Variants in SYNE1 observed in about 807,000 individuals in gnomAD.
The protein encoded by SYNE1 is spectrin repeat containing nuclear envelope protein 1.
In SYNE1, 616 loss-of-function variants were observed where a neutral mutation model predicts 1,111.0. The observed-to-expected ratio is 0.55, with a 90% CI of 0.52 to 0.59. The LOEUF is 0.59. Among genes scored for constraint, SYNE1 ranks in the 20% least tolerant of loss-of-function variants. The pLI is 0.00. For synonymous variants in SYNE1, 3,855 were observed against 3,825.8 expected, an observed-to-expected ratio of 1.01 and a Z score of -0.28; for missense variants, 10,006 against 10,417.0, an observed-to-expected ratio of 0.96 and a Z score of 1.72.
Position 152,401,354 on chromosome 6 carries a change from C to G in SYNE1, c.6826-13G>C. 1 of 1,611,284 alleles carries G rather than the reference C, an allele frequency of 6.2e-7. No homozygotes were observed. The highest frequency in any genetic ancestry group is 8.5e-7 in the Non-Finnish European group (1 of 1,178,794). ...CTGCTTCTATAAACTAAATATCAAG[C>G]AAGATTTCATCAATATCTCTGAAGA... On this transcript the variant is annotated splice_polypyrimidine_tract_variant and intron_variant, in intron 46 of 145. Coordinates refer to ENST00000367255, the MANE Select transcript of SYNE1 (RefSeq NM_182961.4).
At chr6:152,559,886 A>T (rs75465430) in intron 3 of SYNE1, among the ~76,000 whole-genome samples, 1 of 152,220 alleles carries the variant, frequency 6.6e-6, no homozygotes, top group Non-Finnish European at 1.5e-5. Flanking sequence ...TTTTAGCTAG[A>T]CTAAAGAAAA....
intron 6 of SYNE1, among the ~76,000 whole-genome samples, chr6:152,514,724 G>A (rs2099102984): frequency 6.6e-6 from 1 of 151,518 alleles, no homozygotes; most frequent in African/African-American, 2.4e-5. Context: ...CAAAGAAAAT[G>A]TCATGCAAGG....
rs146585458 is a variant in SYNE1 at position 152,345,662 on chromosome 6, T to A, written c.12078+1397A>T. 5.5e-3 allele frequency among the ~76,000 whole-genome samples: 831 copies of A among 152,236 alleles called. 13 individuals carry two copies. The highest frequency in any genetic ancestry group is 0.019 in the African/African-American group (771 of 41,530). On this transcript the variant is annotated intron_variant, in intron 73 of 145. Coordinates refer to ENST00000367255, the MANE Select transcript of SYNE1 (RefSeq NM_182961.4). ...GTGAACATGGACCACTCTAACCACG[T>A]CACTGGTATATCATCAGTTCTTACT...
chr6:152,127,931 A>G (rs1034066355), intron 145 of SYNE1: 1 of 152,160 alleles, frequency 6.6e-6, no homozygotes, highest in African/African-American at 2.4e-5. Flanking sequence ...GTCATTTGCC[A>G]CTTCTCATTC....
At chr6:152,525,988 T>A in intron 5 of SYNE1, 92 bp downstream of exon 5, 1 of 1,158,702 alleles carries the variant, frequency 8.6e-7, no homozygotes, top group Non-Finnish European at 1.3e-6. Context: ...TTCTTTTACC[T>A]GGGCAGCACA....
chr6:152,214,971 G>T lies in SYNE1; in HGVS notation c.22281C>A (p.Ile7427=), dbSNP rs139362680. Residue 7427 remains isoleucine (I), a synonymous_variant, in exon 122 of 146, where the codon ATC becomes ATA. Transcript: ENST00000367255. ...GGCGGTTCAGATTCTGCATTCTTTT[G>T]ATTTCCTTATCATTCAAGGGTAACC... The part of the protein sequence containing the change: ...GYRLPLNDKE[I]KRMQNLNRHW... 9.4e-4 allele frequency: 1,513 copies of T among 1,614,094 alleles called. 17 individuals are homozygous for T. In the African/African-American group the frequency reaches 0.018, roughly 19 times the overall value.
intron 100 of SYNE1, among the ~76,000 whole-genome samples, chr6:152,262,659 G>A (rs924615511): frequency 1.2e-4 from 18 of 151,848 alleles, no homozygotes; most frequent in East Asian, 9.7e-4. Context: ...AGGAAGGATC[G>A]TACAGGACCT....
At chr6:152,502,412 C>A (rs1335329197) in intron 10 of SYNE1, among the ~76,000 whole-genome samples, 2 of 152,178 alleles carry the variant, frequency 1.3e-5, no homozygotes, top group Non-Finnish European at 2.9e-5. Flanking sequence ...GCATCACATA[C>A]CTTACATTTG....
At chr6:152,191,542 G>T (rs759149875) in intron 127 of SYNE1, among the ~76,000 whole-genome samples, 1 of 151,838 alleles carries the variant, frequency 6.6e-6, no homozygotes, top group Non-Finnish European at 1.5e-5. Context: ...TTTCTTCTAG[G>T]TTTCCCAATT....
In SYNE1 at chr6:152,323,579, C is replaced by G. The variant is rs762050069; in HGVS notation, c.15816G>C (p.Arg5272=). 1 of 1,614,240 alleles carries G rather than the reference C, an allele frequency of 6.2e-7. No individual in the cohort carries two copies. Among genetic ancestry groups the G allele is most frequent in the Non-Finnish European group, 8.5e-7 (1 of 1,180,034 alleles). The stretch of plus-strand genomic sequence containing the variant: ...CCTGGAGCATGCTCAGGGTTTGCTG[C>G]CGCAGCATGCCCAAGGCCGACTGCT... ...EQQQSALGML[R]QQTLSMLQDG... Residue 5272 remains arginine, a synonymous_variant, in exon 82 of 146, where the codon CGG becomes CGC. Transcript: ENST00000367255.
At chr6:152,140,244 C>A in intron 139 of SYNE1, 83 bp from the exon 140 acceptor site, 1 of 1,398,268 alleles carries the variant, frequency 7.2e-7, no homozygotes, top group Non-Finnish European at 1.0e-6. Context: ...GGTTGGCAGC[C>A]AATTTTAAAT....
chr6:152,514,819 T>C (rs2099103401), intron 6 of SYNE1, among the ~76,000 whole-genome samples: 2 of 152,164 alleles, frequency 1.3e-5, no homozygotes, highest in Admixed American at 1.3e-4. Context: ...CCTGGACTTC[T>C]TGCCTCCAAA....
At chr6:152,258,895 C>G (rs1184482876) in intron 101 of SYNE1, among the ~76,000 whole-genome samples, 2 of 152,000 alleles carry the variant, frequency 1.3e-5, no homozygotes, top group African/African-American at 4.8e-5. Flanking sequence ...CAGGTGTGCA[C>G]CACCACATGA....
chr6:152,470,022 C>A (rs973527859), intron 16 of SYNE1, among the ~76,000 whole-genome samples: 5 of 152,154 alleles, frequency 3.3e-5, no homozygotes, highest in Admixed American at 3.3e-4. Context: ...AGTAGGTATT[C>A]TTCAGTAGCA....
Position 152,399,772 on chromosome 6 carries a change from C to T in SYNE1, c.7081G>A (p.Glu2361Lys). 6.2e-7 allele frequency: 1 copy of T among 1,614,096 alleles called. No homozygotes were observed. The highest frequency in any genetic ancestry group is 8.5e-7 in the Non-Finnish European group (1 of 1,180,002). Residue 2361 changes from glutamate (E) to lysine (K), a missense_variant, in exon 48 of 146, where the codon GAA becomes AAA. Coordinates refer to ENST00000367255, the MANE Select transcript of SYNE1 (RefSeq NM_182961.4). ...TTGCGGCACAAGCTATTGAGATTTT[C>T]TTGGGTAGAGCTGATGTTGCTTTGT... ...SQQSNISSTQ[E>K]NLNSLCRKYH... is the part of the protein sequence containing the mutation.
chr6:152,627,163 T>G (rs556426533), intron 3 of SYNE1, among the ~76,000 whole-genome samples: 6 of 152,222 alleles, frequency 3.9e-5, no homozygotes, highest in Non-Finnish European at 8.8e-5. Flanking sequence ...ATTGAATATA[T>G]CGTTAGGATT....
chr6:152,360,077 T>C (rs1482977574), intron 64 of SYNE1, among the ~76,000 whole-genome samples: 1 of 152,198 alleles, frequency 6.6e-6, no homozygotes, highest in Non-Finnish European at 1.5e-5. Flanking sequence ...CTGTCCCTTA[T>C]TTCATGCTCC....
rs1219409817 is a variant in SYNE1 at position 152,130,726 on chromosome 6, T to C, written c.26147A>G (p.His8716Arg). 9 of 1,614,164 alleles carry C rather than the reference T, an allele frequency of 5.6e-6. No homozygotes were observed. Among genetic ancestry groups the C allele is most frequent in the Non-Finnish European group, 5.9e-6 (7 of 1,180,028 alleles). Reference sequence around the variant, plus strand: ...AACCAGGAGAAGGAGGTACCTGCTATGTGGACTGCTGACAGAGGGTCCAGG... The same window carrying C: ...AACCAGGAGAAGGAGGTACCTGCTACGTGGACTGCTGACAGAGGGTCCAGG... Reference protein sequence around the residue: ...SQPGPSVSSPHSRSTKGGSDS... With the variant: ...SQPGPSVSSPRSRSTKGGSDS... Residue 8716 changes from histidine (H) to arginine (R), a missense_variant, in exon 145 of 146, where the codon CAT (histidine) becomes CGT (arginine). By Grantham distance (29) the His-to-Arg change is conservative (BLOSUM62 0). Around this residue, in one of 7 missense-constraint regions of SYNE1, gnomAD observed 761 missense variants for 795.5 expected, o/e 0.96. Transcript: ENST00000367255.
intron 3 of SYNE1, among the ~76,000 whole-genome samples, chr6:152,587,838 G>GT (rs1432282095): frequency 1.3e-5 from 2 of 152,068 alleles, no homozygotes; most frequent in Non-Finnish European, 2.9e-5. Context: ...TCACAGAAAT[G>GT]GTTTTAAAAC....
Sources: allele counts gnomAD v4.1 joint callset (sites outside exome capture counted in the v4.1 genomes callset), GRCh38; gene constraint gnomAD v4.1.1; regional missense constraint gnomAD v4.1.1; transcripts MANE v1.5; gene names NCBI Gene and HGNC (gene_info 2026-07-23, HGNC 2026-07-21).